The following CNGB1 variants were observed in gnomAD, a reference collection of about 807,000 sequenced individuals.
CNGB1 encodes the protein cyclic nucleotide-gated channel beta-1.
In CNGB1, 126 loss-of-function variants were observed where a neutral mutation model predicts 151.7. That is an observed-to-expected ratio of 0.83 (90% CI 0.72 to 0.96). The LOEUF (loss-of-function observed/expected upper bound fraction) is 0.96. CNGB1 is among the 40% of genes least tolerant of loss of function. The pLI is 0.00. For synonymous variants in CNGB1, 623 were observed against 635.1 expected (o/e 0.98, Z 0.29); for missense variants, 1,698 against 1,627.0 (o/e 1.04, Z -0.75).
At chr16:57,919,519 C>T (rs1378744818) in intron 19 of CNGB1, among the ~76,000 whole-genome samples, 1 of 152,116 alleles carries the variant, frequency 6.6e-6, no homozygotes, top group African/African-American at 2.4e-5. Flanking sequence ...AGAAGCTGCC[C>T]CAAATGAGCT....
intron 25 of CNGB1, 47 bp downstream of exon 25, chr16:57,911,706 C>T (rs754891107): frequency 6.2e-7 from 1 of 1,611,710 alleles, no homozygotes; most frequent in East Asian, 2.2e-5. Context: ...TTATAAAGAA[C>T]AGGAAGGTCA....
intron 18 of CNGB1, among the ~76,000 whole-genome samples, chr16:57,922,431 C>CTTTTT (rs60969134): frequency 0.012 from 1,650 of 136,450 alleles, 33 homozygotes; most frequent in East Asian, 0.073. Flanking sequence ...TTCTTTCTTT[C>CTTTTT]TTTTTTTTTT....
intron 16 of CNGB1, among the ~76,000 whole-genome samples, chr16:57,934,157 T>C (rs1405197660): frequency 1.3e-5 from 2 of 152,104 alleles, no homozygotes; most frequent in Non-Finnish European, 2.9e-5. Flanking sequence ...GGAGAAGTTG[T>C]TAAAAATGTA....
chr16:57,904,352 C>T (rs899879719), intron 26 of CNGB1, among the ~76,000 whole-genome samples: 1 of 152,168 alleles, frequency 6.6e-6, no homozygotes. Flanking sequence ...GTGTGCTGTT[C>T]CTCGGGGCGG....
intron 7 of CNGB1, among the ~76,000 whole-genome samples, chr16:57,962,250 G>A (rs1487542827): frequency 6.6e-6 from 1 of 152,142 alleles, no homozygotes; most frequent in Non-Finnish European, 1.5e-5. Context: ...CCTGCTTCCA[G>A]GCTCCACACG....
intron 3 of CNGB1, 39 bp downstream of exon 3, chr16:57,964,448 C>G: frequency 6.2e-7 from 1 of 1,612,520 alleles, no homozygotes; most frequent in Non-Finnish European, 8.5e-7. Context: ...ATGCGGGCCC[C>G]CCTGCCATGC....
chr16:57,937,103 A>G (rs1429525307), intron 16 of CNGB1: 1 of 152,444 alleles, frequency 6.6e-6, no homozygotes, highest in Non-Finnish European at 1.5e-5. Flanking sequence ...TAGTTGGCGG[A>G]TGGAGCTCCT....
intron 12 of CNGB1, chr16:57,955,057 T>C: frequency 7.7e-7 from 1 of 1,303,002 alleles, no homozygotes; most frequent in Non-Finnish European, 9.8e-7. Context: ...CTATGGGCCT[T>C]TTCCACAGCC....
intron 11 of CNGB1, 46 bp downstream of exon 11, chr16:57,958,364 C>T (rs1962144410): frequency 1.6e-6 from 2 of 1,277,126 alleles, no homozygotes; most frequent in South Asian, 2.6e-5. Context: ...TCCCAAGACC[C>T]CTCCCACCAC....
chr16:57,884,599 G>A, intron 32 of CNGB1, 142 bp from the exon 33 acceptor site: 1 of 846,608 alleles, frequency 1.2e-6, no homozygotes, highest in East Asian at 2.6e-5. Flanking sequence ...AGTGGGTGGG[G>A]TGGAGCCGCA....
rs182374800 is a variant in CNGB1 at position 57,896,469 on chromosome 16, C to T, written c.3242+928G>A. ...ATGGCTCACGCCTGTAATCCCAGCA[C>T]TTTGGGAGGCCGAGGGGGGTGGATC... On this transcript the variant is annotated intron_variant, in intron 31 of 32. Transcript: ENST00000251102. Among the ~76,000 whole-genome samples, 412 of 152,192 alleles carry T rather than the reference C, an allele frequency of 2.7e-3. 1 individual carries two copies. Among genetic ancestry groups the T allele is most frequent in the Middle Eastern group, 0.01 (3 of 294 alleles).
At chr16:57,965,261 A>G (rs1962362520) in intron 2 of CNGB1, among the ~76,000 whole-genome samples, 1 of 152,106 alleles carries the variant, frequency 6.6e-6, no homozygotes, top group African/African-American at 2.4e-5. Context: ...AAATAAGTGC[A>G]TGTGCACACA....
chr16:57,901,835 C>T (rs1323017126), intron 27 of CNGB1, among the ~76,000 whole-genome samples: 2 of 152,216 alleles, frequency 1.3e-5, no homozygotes, highest in Non-Finnish European at 2.9e-5. Flanking sequence ...ATTTCCCAAA[C>T]TCCTACTCAT....
intron 2 of CNGB1, among the ~76,000 whole-genome samples, chr16:57,965,453 T>C (rs1962370249): frequency 6.6e-6 from 1 of 152,198 alleles, no homozygotes; most frequent in Admixed American, 6.5e-5. Context: ...CATAGGTACA[T>C]TGCAGATGTA....
At chr16:57,892,160 A>T (rs6499921) in intron 31 of CNGB1, among the ~76,000 whole-genome samples, 72,193 of 151,414 alleles carry the variant, frequency 0.48, 20,974 homozygotes, top group African/African-American at 0.83. Context: ...AAGACAGAAC[A>T]GGGACTTCAG....
chr16:57,959,257 G>T (rs1388095035), intron 10 of CNGB1, among the ~76,000 whole-genome samples: 9 of 151,884 alleles, frequency 5.9e-5, no homozygotes, highest in African/African-American at 2.2e-4. Context: ...AAGAAAGAAT[G>T]CAGTAAGACC....
intron 7 of CNGB1, among the ~76,000 whole-genome samples, chr16:57,961,557 G>A (rs1962255398): frequency 6.6e-6 from 1 of 152,136 alleles, no homozygotes. Context: ...TTGCTTTAGT[G>A]GTCCCAGGAA....
At chr16:57,902,044 T>A (rs1246153604) in intron 27 of CNGB1, among the ~76,000 whole-genome samples, 1 of 151,984 alleles carries the variant, frequency 6.6e-6, no homozygotes, top group African/African-American at 2.4e-5. Context: ...CACCTGTTTT[T>A]TTTGTTGTTG....
chr16:57,904,814 G>A lies in CNGB1; in HGVS notation c.2554C>T (p.Pro852Ser). ...AAGACAATTTCAAAGAGTGTCTTGG[G>A]GTCAGGCAGCCCCCCGATGGTGATG... ...TLITIGGLPD[P>S]KTLFEIVFQL... Residue 852 changes from proline (P) to serine (S), a missense_variant, in exon 26 of 33, where the codon CCC becomes TCC. Physicochemically the swap from Pro to Ser is moderately conservative, Grantham distance 74. Coordinates refer to ENST00000251102, the MANE Select transcript of CNGB1 (RefSeq NM_001297.5). 1 of 1,614,108 alleles carries A rather than the reference G, an allele frequency of 6.2e-7. No homozygotes were observed. Among genetic ancestry groups the A allele is most frequent in the South Asian group, 1.1e-5 (1 of 91,074 alleles).
Sources: gnomAD v4.1 joint callset for allele counts (sites outside exome capture counted in the v4.1 genomes callset) on GRCh38, gnomAD v4.1.1 for gene constraint, MANE v1.5 for transcripts, NCBI Gene and HGNC (gene_info 2026-07-23, HGNC 2026-07-21) for gene names.